Variants in GPR176 observed in about 807,000 individuals in gnomAD.
The protein encoded by GPR176 is G-protein coupled receptor 176.
A neutral mutation model predicts 35.4 loss-of-function variants in GPR176; 26 were observed. The observed-to-expected ratio is 0.74, with a 90% CI of 0.54 to 1.02. GPR176 has a LOEUF of 1.02. Ranked by LOEUF, GPR176 falls within the 50% of genes least tolerant of loss-of-function variation. The probability of loss-of-function intolerance (pLI) is 0.00; values close to 1 mark genes in which losing one functional copy is unlikely to be tolerated. For synonymous variants in GPR176, 278 were observed against 271.3 expected (o/e 1.02, Z -0.24); for missense variants, 597 against 665.3 (o/e 0.90, Z 1.13).
At chr15:39,899,397 A>C (rs946618062) in intron 1 of GPR176, among the ~76,000 whole-genome samples, 1 of 152,176 alleles carries the variant, frequency 6.6e-6, no homozygotes, top group Non-Finnish European at 1.5e-5. Context: ...CAGTAAAGGG[A>C]GCCACTCCTG....
At chr15:39,882,759 G>A (rs2032524731) in intron 1 of GPR176, among the ~76,000 whole-genome samples, 1 of 152,174 alleles carries the variant, frequency 6.6e-6, no homozygotes, top group South Asian at 2.1e-4. Context: ...TGTTTTCTCA[G>A]CATGTTCTGC....
Position 39,920,076 on chromosome 15 carries a change from G to A in GPR176, c.-50C>T. The A allele has an allele frequency of 1.6e-6, 2 of 1,231,924 alleles. No individual in the cohort carries two copies. Among genetic ancestry groups the A allele is most frequent in the South Asian group, 5.3e-5 (2 of 37,534 alleles). The allele number at this position is 1,231,924 out of a possible 1,614,324, so 76.3% of individuals were successfully genotyped here. ...CGCGCCGCCCGCCTCGGAGCCCCGC[G>A]CGGAGCCTCTCCTCCTCCGGGTGAG... On this transcript the variant is annotated 5_prime_UTR_variant, in exon 1 of 3. Transcript: ENST00000561100.
Position 39,917,108 on chromosome 15 carries a change from C to T in GPR176, c.172+2747G>A, listed in dbSNP as rs373782894. ...ACCAGCCTGACCAACATGGTGAAAC[C>T]CCATCTCTACTAAAAATGCAAAAAC... is the stretch of plus-strand genomic sequence containing the variant. On this transcript the variant is annotated intron_variant, in intron 1 of 2. Coordinates refer to ENST00000561100, the MANE Select transcript of GPR176 (RefSeq NM_007223.3). Among the ~76,000 whole-genome samples, 12 of 152,016 alleles carry T rather than the reference C, an allele frequency of 7.9e-5. No homozygotes were observed. The East Asian group carries it at 2.0e-3, about 25-fold the overall frequency.
intron 1 of GPR176, among the ~76,000 whole-genome samples, chr15:39,898,856 G>A (rs2033194624): frequency 1.3e-5 from 2 of 152,166 alleles, no homozygotes; most frequent in South Asian, 4.1e-4. Flanking sequence ...AGCACTGTGT[G>A]GGTGGGGGAG....
intron 1 of GPR176, among the ~76,000 whole-genome samples, chr15:39,880,313 G>C (rs984915933): frequency 6.6e-6 from 1 of 152,096 alleles, no homozygotes; most frequent in African/African-American, 2.4e-5. Flanking sequence ...GAAATCCTCT[G>C]CTCCCTTTGC....
intron 1 of GPR176, among the ~76,000 whole-genome samples, chr15:39,905,263 T>G (rs1400123114): frequency 2.6e-5 from 4 of 152,132 alleles, no homozygotes; most frequent in African/African-American, 9.7e-5. Context: ...TTGAGAGTGT[T>G]TTGTGACTTA....
In GPR176 at chr15:39,865,705, A is replaced by G. The variant is rs182777417; in HGVS notation, c.172+54150T>C. Among the ~76,000 whole-genome samples, 3 of 152,280 alleles carry G rather than the reference A, an allele frequency of 2.0e-5. No homozygotes were observed. The East Asian group carries it at 5.8e-4, about 29-fold the overall frequency. On this transcript the variant is annotated intron_variant, in intron 1 of 2. Coordinates refer to ENST00000561100, the MANE Select transcript of GPR176 (RefSeq NM_007223.3). Reference sequence around the variant, plus strand: ...AACTGTACCCCATAAATTTATACCAAAAAAGGACTATATCAAAGTGCCATC... The same window carrying G: ...AACTGTACCCCATAAATTTATACCAGAAAAGGACTATATCAAAGTGCCATC...
chr15:39,902,142 C>A (rs1330671269), intron 1 of GPR176, among the ~76,000 whole-genome samples: 1 of 152,182 alleles, frequency 6.6e-6, no homozygotes, highest in African/African-American at 2.4e-5. Flanking sequence ...AACAGAATTT[C>A]TGTTGGTGAA....
intron 1 of GPR176, among the ~76,000 whole-genome samples, chr15:39,825,990 G>A (rs1040006187): frequency 1.3e-5 from 2 of 152,206 alleles, no homozygotes; most frequent in African/African-American, 4.8e-5. Context: ...GTCTAAGTGA[G>A]TCAAGCAGAT....
At chr15:39,829,264 G>C (rs549964161) in intron 1 of GPR176, 252 of 1,450,478 alleles carry the variant, frequency 1.7e-4, no homozygotes, top group Non-Finnish European at 2.2e-4. Flanking sequence ...ACTTGGACTC[G>C]GGCATCAGAA....
At chr15:39,827,230 T>C (rs552264444) in intron 1 of GPR176, among the ~76,000 whole-genome samples, 102 of 152,308 alleles carry the variant, frequency 6.7e-4, no homozygotes, top group Non-Finnish European at 1.3e-3. Flanking sequence ...TGCCCTTTCA[T>C]GGGTCTCATG....
intron 1 of GPR176, among the ~76,000 whole-genome samples, chr15:39,884,264 C>T (rs971761814): frequency 2.6e-5 from 4 of 152,164 alleles, no homozygotes; most frequent in Non-Finnish European, 5.9e-5. Flanking sequence ...CTTACGTGGA[C>T]CAATATTTGG....
chr15:39,899,699 T>C (rs1336144504), intron 1 of GPR176, among the ~76,000 whole-genome samples: 1 of 152,248 alleles, frequency 6.6e-6, no homozygotes, highest in Non-Finnish European at 1.5e-5. Flanking sequence ...TAGATTCTCC[T>C]TATTTTCTTA....
chr15:39,882,102 C>T (rs2032497770), intron 1 of GPR176, among the ~76,000 whole-genome samples: 1 of 152,136 alleles, frequency 6.6e-6, no homozygotes, highest in African/African-American at 2.4e-5. Context: ...CTCATTTTGT[C>T]ATTAAGGGCA....
intron 1 of GPR176, among the ~76,000 whole-genome samples, chr15:39,845,512 AC>A (rs1413351235): frequency 2.0e-5 from 3 of 151,528 alleles, no homozygotes; most frequent in Non-Finnish European, 4.4e-5. Context: ...GTCCACTGGA[AC>A]CCCCTTTAAA....
chr15:39,861,855 A>T (rs1341225208), intron 1 of GPR176, among the ~76,000 whole-genome samples: 1 of 152,204 alleles, frequency 6.6e-6, no homozygotes, highest in Non-Finnish European at 1.5e-5. Context: ...TCTTAAGACG[A>T]CTGTTGCAGG....
Position 39,802,041 on chromosome 15 carries a change from CGTG to C in GPR176, c.636_638del (p.Thr213del), listed in dbSNP as rs1299618918. Reference sequence around the variant, plus strand: ...ACACCACCACCACAGGCACAATGACCGTGGTGATGTTATACACCAGAACGTACA... The same window carrying C: ...ACACCACCACCACAGGCACAATGACCGTGATGTTATACACCAGAACGTACA... On this transcript the variant is annotated inframe_deletion, in exon 3 of 3. Coordinates refer to ENST00000561100, the MANE Select transcript of GPR176 (RefSeq NM_007223.3). 2.5e-6 allele frequency: 4 copies of C among 1,613,862 alleles called. No individual in the cohort carries two copies. The highest frequency in any genetic ancestry group is 3.4e-6 in the Non-Finnish European group (4 of 1,179,906).
At chr15:39,826,506 C>T (rs146373181) in intron 1 of GPR176, among the ~76,000 whole-genome samples, 1 of 152,070 alleles carries the variant, frequency 6.6e-6, no homozygotes, top group Non-Finnish European at 1.5e-5. Context: ...CTACAGGGGG[C>T]TCCTGCATGT....
At chr15:39,890,341 G>T (rs1214116872) in intron 1 of GPR176, among the ~76,000 whole-genome samples, 3 of 152,198 alleles carry the variant, frequency 2.0e-5, no homozygotes, top group African/African-American at 7.2e-5. Context: ...CTATAGAAGA[G>T]ATTGCACTGA....
Sources: allele counts gnomAD v4.1 joint callset (sites outside exome capture counted in the v4.1 genomes callset), GRCh38; gene constraint gnomAD v4.1.1; transcripts MANE v1.5; gene names NCBI Gene and HGNC (gene_info 2026-07-23, HGNC 2026-07-21).